Variants in NRG3 observed in about 807,000 individuals in gnomAD.
The protein encoded by NRG3 is pro-neuregulin-3, membrane-bound isoform.
NRG3 carries 31 observed loss-of-function variants against 66.9 expected under a neutral mutation model. The observed-to-expected ratio is 0.46, with a 90% CI of 0.35 to 0.63. NRG3 has a LOEUF of 0.63. Ranked by LOEUF, NRG3 falls within the 20% of genes least tolerant of loss-of-function variation. NRG3 has a pLI of 0.00. For missense variants in NRG3, 910 were observed against 878.9 expected (o/e 1.04, Z -0.45); for synonymous variants, 393 against 359.4 (o/e 1.09, Z -1.06).
intron 4 of NRG3, among the ~76,000 whole-genome samples, chr10:82,902,540 C>G (rs1323784203): frequency 2.1e-4 from 32 of 151,976 alleles, no homozygotes; most frequent in Admixed American, 2.0e-3. Flanking sequence ...TTTGAAAGGT[C>G]AGTAATTAAA....
At chr10:82,893,418 G>C (rs567818341) in intron 4 of NRG3, among the ~76,000 whole-genome samples, 1 of 152,164 alleles carries the variant, frequency 6.6e-6, no homozygotes, top group Admixed American at 6.5e-5. Context: ...GGCCAGGCGC[G>C]GTGGCTCACG....
chr10:82,239,097 A>G (rs1046923721), intron 1 of NRG3, among the ~76,000 whole-genome samples: 4 of 151,392 alleles, frequency 2.6e-5, no homozygotes, highest in African/African-American at 9.7e-5. Context: ...ATTTTGATAT[A>G]TAGTATGAGC....
intron 1 of NRG3, among the ~76,000 whole-genome samples, chr10:82,167,947 T>C (rs2072230715): frequency 6.6e-6 from 1 of 151,954 alleles, no homozygotes. Context: ...TACAGAAGAG[T>C]TTCTTCTTTT....
chr10:82,517,134 T>G (rs1022821104), intron 2 of NRG3, among the ~76,000 whole-genome samples: 11 of 152,074 alleles, frequency 7.2e-5, no homozygotes, highest in African/African-American at 2.4e-4. Context: ...TCTGACAGAT[T>G]TTTTTTTCAA....
intron 1 of NRG3, among the ~76,000 whole-genome samples, chr10:82,335,120 C>T (rs2082322894): frequency 6.6e-6 from 1 of 152,194 alleles, no homozygotes; most frequent in Non-Finnish European, 1.5e-5. Flanking sequence ...TGAAGCTACT[C>T]AGGGGAATGC....
chr10:82,194,822 G>A (rs552155248), intron 1 of NRG3, among the ~76,000 whole-genome samples: 66 of 152,178 alleles, frequency 4.3e-4, no homozygotes, highest in African/African-American at 1.3e-3. Context: ...GGCCGCTTGC[G>A]AAAGACCTCG....
intron 2 of NRG3, among the ~76,000 whole-genome samples, chr10:82,437,868 C>T (rs1472941398): frequency 2.6e-5 from 4 of 152,082 alleles, no homozygotes; most frequent in East Asian, 1.9e-4. Flanking sequence ...GATTTGCTCC[C>T]GTGCCTGGAG....
chr10:82,248,010 T>A (rs1483384359), intron 1 of NRG3, among the ~76,000 whole-genome samples: 1 of 152,160 alleles, frequency 6.6e-6, no homozygotes, highest in Non-Finnish European at 1.5e-5. Context: ...TACTCTTATT[T>A]CTGATTTTAT....
chr10:81,964,407 A>G (rs963134009), intron 1 of NRG3, among the ~76,000 whole-genome samples: 2 of 151,018 alleles, frequency 1.3e-5, no homozygotes, highest in Non-Finnish European at 3.0e-5. Flanking sequence ...AAAAAAAAAA[A>G]AAAAAAAAAA....
At chr10:82,871,808 TA>T (rs1203668127) in intron 4 of NRG3, among the ~76,000 whole-genome samples, 4 of 152,132 alleles carry the variant, frequency 2.6e-5, no homozygotes, top group Non-Finnish European at 5.9e-5. Flanking sequence ...GTTATAGGAA[TA>T]TTTTTAATTT....
At chr10:82,296,568 T>C (rs921133072) in intron 1 of NRG3, among the ~76,000 whole-genome samples, 3 of 152,228 alleles carry the variant, frequency 2.0e-5, no homozygotes, top group Non-Finnish European at 2.9e-5. Flanking sequence ...GGGGAATATG[T>C]CATATTTTGA....
At chr10:82,712,208 A>ATTATG (rs1454348778) in intron 2 of NRG3, among the ~76,000 whole-genome samples, 2 of 151,944 alleles carry the variant, frequency 1.3e-5, no homozygotes, top group African/African-American at 4.8e-5. Flanking sequence ...GATTTTATAT[A>ATTATG]TTCTATAAAG....
At position 82,951,568 on chromosome 10, in the gene NRG3, G is replaced by A. The variant is rs765134428; in HGVS notation, c.1154G>A (p.Ser385Asn). ...TTCTGTGCAGCATTCTACTTCAAAA[G>A]CAAGTAAGACTATTTCTCTCAAGTG... ...GMFCAAFYFK[S>N]KKQAKQIQEQ... The change falls in exon 5 of 9, where the codon AGC (serine) becomes AAC (asparagine). Residue 385 changes from serine to asparagine, a missense_variant. Transcript: ENST00000372141. 1 of 1,612,226 alleles carries A rather than the reference G, an allele frequency of 6.2e-7. No homozygotes were observed.
chr10:82,531,776 C>A (rs568785830), intron 2 of NRG3, among the ~76,000 whole-genome samples: 1 of 151,844 alleles, frequency 6.6e-6, no homozygotes, highest in African/African-American at 2.4e-5. Flanking sequence ...TCAACAGATT[C>A]TAAGTGCTTC....
intron 1 of NRG3, among the ~76,000 whole-genome samples, chr10:82,182,816 C>G (rs1296812224): frequency 6.6e-6 from 1 of 151,930 alleles, no homozygotes; most frequent in African/African-American, 2.4e-5. Context: ...TAGGGCAGGT[C>G]TAGTGGAGTG....
intron 2 of NRG3, among the ~76,000 whole-genome samples, chr10:82,569,434 A>C (rs1056987112): frequency 6.6e-6 from 1 of 151,714 alleles, no homozygotes; most frequent in Non-Finnish European, 1.5e-5. Flanking sequence ...CTTCTGTCTT[A>C]CAATATTGTT....
chr10:82,951,692 C>G, intron 5 of NRG3, 121 bp downstream of exon 5: 1 of 754,528 alleles, frequency 1.3e-6, no homozygotes, highest in Non-Finnish European at 2.2e-6. Flanking sequence ...TAGCAACAAT[C>G]TGCAAGTGAC....
chr10:82,533,267 T>G (rs1477324823), intron 2 of NRG3, among the ~76,000 whole-genome samples: 1 of 152,094 alleles, frequency 6.6e-6, no homozygotes, highest in East Asian at 1.9e-4. Flanking sequence ...TGCTGATCAT[T>G]TCTTTTGCTG....
At chr10:81,951,956 G>A (rs1020714274) in intron 1 of NRG3, among the ~76,000 whole-genome samples, 35 of 152,158 alleles carry the variant, frequency 2.3e-4, no homozygotes, top group African/African-American at 8.2e-4. Context: ...AAAAGGATGA[G>A]TTCATGTCCT....
Sources: gnomAD v4.1 joint callset for allele counts (sites outside exome capture counted in the v4.1 genomes callset) on GRCh38, gnomAD v4.1.1 for gene constraint, MANE v1.5 for transcripts, NCBI Gene and HGNC (gene_info 2026-07-23, HGNC 2026-07-21) for gene names.